Variants in CHRNA7 observed in about 807,000 individuals in gnomAD.
CHRNA7 encodes cholinergic receptor nicotinic alpha 7 subunit.
A neutral mutation model predicts 48.0 loss-of-function variants in CHRNA7; 17 were observed. The ratio of observed to expected loss-of-function variants is 0.35; its 90% CI spans 0.24 to 0.53. The LOEUF is 0.53. Among genes scored for constraint, CHRNA7 ranks in the 20% least tolerant of loss-of-function variants. The pLI is 0.92. For missense variants in CHRNA7, 155 were observed against 577.7 expected (o/e 0.27, Z 7.50); for synonymous variants, 75 against 242.3 (o/e 0.31, Z 6.41).
Position 32,149,324 on chromosome 15 carries a change from C to G in CHRNA7, c.351-4583C>G, listed in dbSNP as rs2051567391. On this transcript the variant is annotated intron_variant, in intron 4 of 9. Transcript: ENST00000306901. The surrounding 1 kb of genome is among the most constrained non-coding windows in gnomAD (Gnocchi z 4.6). ...TTTGCCAGCACAGGGCTGCCCAGCA[C>G]TGGTGAGGGGGTCACTGTTGGCTGG... Among the ~76,000 whole-genome samples, 1 of 152,206 alleles carries G rather than the reference C, an allele frequency of 6.6e-6. No homozygotes were observed. Among genetic ancestry groups the G allele is most frequent in the Non-Finnish European group, 1.5e-5 (1 of 68,044 alleles).
chr15:32,086,213 C>CA (rs141921319), intron 2 of CHRNA7, among the ~76,000 whole-genome samples: 6 of 151,384 alleles, frequency 4.0e-5, no homozygotes, highest in Non-Finnish European at 8.8e-5. Context: ...ACTAAAAATA[C>CA]AAAAAATTAG....
At chr15:32,108,426 G>A (rs1479806081) in intron 3 of CHRNA7, among the ~76,000 whole-genome samples, 1 of 152,248 alleles carries the variant, frequency 6.6e-6, no homozygotes, top group Non-Finnish European at 1.5e-5. Context: ...AACGTGTCAG[G>A]TGCTGTCTAC....
At position 32,030,527 on chromosome 15, in the gene CHRNA7, G is replaced by T. The variant is rs1275068980; in HGVS notation, c.-68G>T. ...CGAGCGGCGAGGTGCCTCTGTGGCCGCAGGCGCAGGCCCGGGCGACAGCCG... is the reference window on the plus strand; with the variant it reads ...CGAGCGGCGAGGTGCCTCTGTGGCCTCAGGCGCAGGCCCGGGCGACAGCCG... On this transcript the variant is annotated 5_prime_UTR_variant, in exon 1 of 10. Transcript: ENST00000306901. 3.7e-6 allele frequency: 5 copies of T among 1,345,790 alleles called. No homozygotes were observed. Among genetic ancestry groups the T allele is most frequent in the Non-Finnish European group, 3.8e-6 (4 of 1,053,104 alleles). The allele number at this position is 1,345,790 out of a possible 1,614,324, so 83.4% of individuals were successfully genotyped here.
chr15:32,101,142 T>C, intron 2 of CHRNA7, 161 bp from the exon 3 acceptor site: 1 of 658,206 alleles, frequency 1.5e-6, no homozygotes, highest in Non-Finnish European at 2.6e-6. Context: ...AAAGCTTAAC[T>C]CTAGGGAAAT....
intron 2 of CHRNA7, among the ~76,000 whole-genome samples, chr15:32,046,110 A>C (rs2049539803): frequency 6.6e-6 from 1 of 152,026 alleles, no homozygotes; most frequent in Non-Finnish European, 1.5e-5. Flanking sequence ...GCTATTGTGA[A>C]TAGGGCCACA....
At chr15:32,105,429 GAA>G (rs1445876160) in intron 3 of CHRNA7, among the ~76,000 whole-genome samples, 1 of 150,796 alleles carries the variant, frequency 6.6e-6, no homozygotes, top group Non-Finnish European at 1.5e-5. Flanking sequence ...GGAGGAGAAG[GAA>G]AAGAGGCGGA....
At chr15:32,144,921 A>G (rs947749811) in intron 4 of CHRNA7, among the ~76,000 whole-genome samples, 7 of 152,076 alleles carry the variant, frequency 4.6e-5, no homozygotes, top group Non-Finnish European at 8.8e-5. Flanking sequence ...ACTTCTGTCA[A>G]CTCGTCAAAG....
At chr15:32,098,732 T>C (rs2050515915) in intron 2 of CHRNA7, 1 of 152,268 alleles carries the variant, frequency 6.6e-6, no homozygotes. Flanking sequence ...TCACTCTGGG[T>C]GAAGTCCATG....
At chr15:32,124,185 GA>G (rs1254989477) in intron 4 of CHRNA7, among the ~76,000 whole-genome samples, 3 of 152,082 alleles carry the variant, frequency 2.0e-5, no homozygotes, top group Admixed American at 1.3e-4. Context: ...AGGTTGAAAT[GA>G]AAAGGATCGA....
chr15:32,065,478 C>G (rs2049948507), intron 2 of CHRNA7, among the ~76,000 whole-genome samples: 1 of 152,180 alleles, frequency 6.6e-6, no homozygotes, highest in African/African-American at 2.4e-5. Flanking sequence ...AATTGCTTAA[C>G]CTTGGGGCTG....
At chr15:32,074,220 A>T (rs2050101371) in intron 2 of CHRNA7, among the ~76,000 whole-genome samples, 1 of 150,756 alleles carries the variant, frequency 6.6e-6, no homozygotes, top group Non-Finnish European at 1.5e-5. Flanking sequence ...GTTTTTGTGG[A>T]TTCTTCGGGA....
intron 2 of CHRNA7, among the ~76,000 whole-genome samples, chr15:32,095,748 A>T (rs1210966915): frequency 6.6e-6 from 1 of 152,248 alleles, no homozygotes; most frequent in African/African-American, 2.4e-5. Context: ...AGCATTTCAG[A>T]AACCCAGGGG....
At chr15:32,114,029 T>TAC (rs1190946087) in intron 4 of CHRNA7, among the ~76,000 whole-genome samples, 8 of 93,332 alleles carry the variant, frequency 8.6e-5, no homozygotes, top group East Asian at 3.3e-4. Flanking sequence ...AATATATATA[T>TAC]ATATATATAT....
chr15:32,051,730 C>T (rs971065074), intron 2 of CHRNA7, among the ~76,000 whole-genome samples: 4 of 152,216 alleles, frequency 2.6e-5, no homozygotes, highest in East Asian at 3.9e-4. Flanking sequence ...AGGAATCACC[C>T]GTCTTCTGCA....
At position 32,170,727 on chromosome 15, in the gene CHRNA7, TTC is replaced by T. The variant is rs2052404700; in HGVS notation, c.*2276_*2277del. On this transcript the variant is annotated 3_prime_UTR_variant, in exon 10 of 10. Transcript: ENST00000306901. Reference sequence around the variant, plus strand: ...ACAACAGTCTCCCATACTGCCTGTTTTCTCTCTCAGAGGGGACCACTAATGAG... The same window carrying T: ...ACAACAGTCTCCCATACTGCCTGTTTTCTCTCAGAGGGGACCACTAATGAG... 1 of 110,532 alleles carries T rather than the reference TTC, an allele frequency of 9.0e-6. No individual in the cohort carries two copies. The highest frequency in any genetic ancestry group is 9.4e-5 in the Admixed American group (1 of 10,592). The allele number at this position is 110,532 out of a possible 1,614,324, so 6.8% of individuals were successfully genotyped here.
At chr15:32,114,045 TATATATATATATATAC>T (rs1196376735) in intron 4 of CHRNA7, among the ~76,000 whole-genome samples, 21 of 35,356 alleles carry the variant, frequency 5.9e-4, no homozygotes, top group East Asian at 5.3e-3. Context: ...TATATATATG[TATATATATATATATAC>T]ATATATATAT....
At position 32,060,865 on chromosome 15, in the gene CHRNA7, G is replaced by A. The variant is rs561804166; in HGVS notation, c.195+29828G>A. Among the ~76,000 whole-genome samples, 12 of 152,276 alleles carry A rather than the reference G, an allele frequency of 7.9e-5. 1 individual carries two copies. The East Asian group carries it at 1.7e-3, about 22-fold the overall frequency. On this transcript the variant is annotated intron_variant, in intron 2 of 9. Coordinates refer to ENST00000306901, the MANE Select transcript of CHRNA7 (RefSeq NM_000746.6). ...GGAGGGCGTGTCTTCACTGAGGTGC[G>A]ATGGCATTGTTGGCTGCTGAAGCAG...
intron 4 of CHRNA7, among the ~76,000 whole-genome samples, chr15:32,124,610 C>T (rs2051032571): frequency 6.6e-6 from 1 of 152,128 alleles, no homozygotes; most frequent in African/African-American, 2.4e-5. Context: ...CAGAAGAAAA[C>T]TGGCAAACAA....
chr15:32,064,731 A>G (rs145104782), intron 2 of CHRNA7, among the ~76,000 whole-genome samples: 52 of 152,234 alleles, frequency 3.4e-4, no homozygotes, highest in African/African-American at 1.2e-3. Context: ...CTGGAAACCA[A>G]AACAAGGGAG....
Sources: allele counts gnomAD v4.1 joint callset (sites outside exome capture counted in the v4.1 genomes callset), GRCh38; gene constraint gnomAD v4.1.1; non-coding constraint Gnocchi (gnomAD v3.1); transcripts MANE v1.5; gene names NCBI Gene and HGNC (gene_info 2026-07-23, HGNC 2026-07-21).